MARCHF1: variants seen among roughly 807,000 people sequenced by gnomAD.
The protein encoded by MARCHF1 is E3 ubiquitin-protein ligase MARCHF1.
Under a neutral mutation model 54.2 loss-of-function variants are expected in MARCHF1, and 40 were observed. The observed-to-expected ratio is 0.74, with a 90% CI of 0.57 to 0.96. The LOEUF (loss-of-function observed/expected upper bound fraction) is 0.96, where lower values mean the gene tolerates loss of function less well. MARCHF1 is among the 40% of genes least tolerant of loss of function. The pLI is 0.00. For missense variants in MARCHF1, 586 were observed against 656.5 expected, an observed-to-expected ratio of 0.89 and a Z score of 1.17; for synonymous variants, 236 against 236.3, an observed-to-expected ratio of 1.00 and a Z score of 0.01.
chr4:163,574,252 AT>A (rs1326048204), intron 8 of MARCHF1, among the ~76,000 whole-genome samples: 1 of 151,898 alleles, frequency 6.6e-6, no homozygotes, highest in African/African-American at 2.4e-5. Flanking sequence ...ATTTTCTCCC[AT>A]TTTTGTGGGT....
intron 1 of MARCHF1, among the ~76,000 whole-genome samples, chr4:164,222,166 C>T (rs1216072763): frequency 6.6e-6 from 1 of 151,464 alleles, no homozygotes; most frequent in African/African-American, 2.4e-5. Context: ...GAAGCATAAA[C>T]TTAAACTGTT....
intron 4 of MARCHF1, among the ~76,000 whole-genome samples, chr4:163,817,029 C>A (rs1427101464): frequency 6.6e-6 from 1 of 151,982 alleles, no homozygotes; most frequent in Admixed American, 6.6e-5. Context: ...CTTTCAGATC[C>A]CAATTTTATT....
intron 1 of MARCHF1, among the ~76,000 whole-genome samples, chr4:164,163,561 TA>T (rs1270153220): frequency 2.0e-5 from 3 of 151,574 alleles, no homozygotes; most frequent in Admixed American, 2.0e-4. Flanking sequence ...ACAATTAATA[TA>T]AAAAAGACAG....
chr4:164,017,877 C>T (rs1753578452), intron 2 of MARCHF1, among the ~76,000 whole-genome samples: 1 of 144,916 alleles, frequency 6.9e-6, no homozygotes, highest in Admixed American at 6.9e-5. Flanking sequence ...AGTTGAGGAA[C>T]ATGCATTATC....
At chr4:163,723,334 A>C (rs917551020) in intron 4 of MARCHF1, among the ~76,000 whole-genome samples, 1 of 151,970 alleles carries the variant, frequency 6.6e-6, no homozygotes. Flanking sequence ...TTTTCTTTAA[A>C]AATGTTGAAT....
intron 3 of MARCHF1, among the ~76,000 whole-genome samples, chr4:163,949,469 T>C (rs1752088864): frequency 6.6e-6 from 1 of 152,166 alleles, no homozygotes; most frequent in South Asian, 2.1e-4. Context: ...TCATCCACAA[T>C]GTGGTGAGAA....
intron 4 of MARCHF1, among the ~76,000 whole-genome samples, chr4:163,775,528 T>G (rs1441053251): frequency 6.6e-6 from 1 of 152,142 alleles, no homozygotes; most frequent in African/African-American, 2.4e-5. Flanking sequence ...GAATATGCAT[T>G]GTGCGACTGG....
At chr4:163,721,550 A>C (rs921362766) in intron 4 of MARCHF1, among the ~76,000 whole-genome samples, 1 of 152,110 alleles carries the variant, frequency 6.6e-6, no homozygotes, top group African/African-American at 2.4e-5. Context: ...TCATAAAATG[A>C]GTTAGGGAGG....
intron 2 of MARCHF1, among the ~76,000 whole-genome samples, chr4:164,006,066 A>G (rs1753280158): frequency 6.6e-6 from 1 of 152,144 alleles, no homozygotes; most frequent in Non-Finnish European, 1.5e-5. Context: ...CGAGAAACAA[A>G]CAAACAAACA....
At chr4:164,043,570 G>A (rs1754177536) in intron 2 of MARCHF1, among the ~76,000 whole-genome samples, 1 of 152,122 alleles carries the variant, frequency 6.6e-6, no homozygotes, top group Non-Finnish European at 1.5e-5. Context: ...GGGAGGTGCT[G>A]CTGTAAAGGT....
chr4:163,888,921 T>C (rs965077949), intron 3 of MARCHF1, among the ~76,000 whole-genome samples: 8 of 152,172 alleles, frequency 5.3e-5, no homozygotes, highest in African/African-American at 1.9e-4. Flanking sequence ...AGGATTCAAA[T>C]ACATTCAATA....
chr4:163,860,968 T>TA (rs1447696659), intron 3 of MARCHF1, among the ~76,000 whole-genome samples: 3 of 151,804 alleles, frequency 2.0e-5, no homozygotes, highest in African/African-American at 2.4e-5. Context: ...TGAAGAGATA[T>TA]AAAAAAAGCA....
At position 164,100,148 on chromosome 4, in the gene MARCHF1, G is replaced by A. The variant is rs756418063; in HGVS notation, c.-248+11440C>T. On this transcript the variant is annotated intron_variant, in intron 2 of 9. Transcript: ENST00000514618. ...AGCATTTCCTCTTCAGAGGTGTTAAGAGCTTTATTCCAAATAATGAAACTT... is the reference window on the plus strand; with the variant it reads ...AGCATTTCCTCTTCAGAGGTGTTAAAAGCTTTATTCCAAATAATGAAACTT... Among the ~76,000 whole-genome samples, 7 of 152,166 alleles carry A rather than the reference G, an allele frequency of 4.6e-5. 1 individual carries two copies. In the South Asian group the frequency reaches 6.2e-4, roughly 14 times the overall value.
intron 3 of MARCHF1, among the ~76,000 whole-genome samples, chr4:163,979,668 T>A (rs971594667): frequency 3.3e-5 from 5 of 152,054 alleles, no homozygotes; most frequent in African/African-American, 1.2e-4. Context: ...TTTCTCCACA[T>A]CCTCTCCAGC....
chr4:163,841,808 T>G (rs1749347753), intron 4 of MARCHF1, among the ~76,000 whole-genome samples: 2 of 152,154 alleles, frequency 1.3e-5, no homozygotes, highest in African/African-American at 4.8e-5. Flanking sequence ...TATTTCATTT[T>G]TTATCTTTAA....
intron 3 of MARCHF1, among the ~76,000 whole-genome samples, chr4:163,888,524 C>A (rs1207340245): frequency 6.6e-6 from 1 of 152,132 alleles, no homozygotes; most frequent in Non-Finnish European, 1.5e-5. Flanking sequence ...ATTCCTTCTG[C>A]ACTTTTGTCT....
chr4:164,007,542 C>T lies in MARCHF1; in HGVS notation c.-247-18833G>A, dbSNP rs145403506. Among the ~76,000 whole-genome samples, 106 of 150,936 alleles carry T rather than the reference C, an allele frequency of 7.0e-4. 1 individual carries two copies. The East Asian group carries it at 0.02, about 29-fold the overall frequency. On this transcript the variant is annotated intron_variant, in intron 2 of 9. Coordinates refer to ENST00000514618, the MANE Select transcript of MARCHF1 (RefSeq NM_001394959.1). ...AAAACAATAATAGCTATAGCAACAA[C>T]TAAAGAGATAGGTAATATAAAAATA... is the stretch of plus-strand genomic sequence containing the variant.
intron 4 of MARCHF1, among the ~76,000 whole-genome samples, chr4:163,767,339 T>C (rs77179910): frequency 7.5e-6 from 1 of 133,484 alleles, no homozygotes; most frequent in Non-Finnish European, 1.7e-5. Flanking sequence ...TTGCATTGCC[T>C]TTTTTTTTTT....
intron 2 of MARCHF1, among the ~76,000 whole-genome samples, chr4:164,007,377 A>G: frequency 6.7e-6 from 1 of 149,012 alleles, no homozygotes; most frequent in Non-Finnish European, 1.5e-5. Flanking sequence ...AAAAAGAAAG[A>G]AAAAAAAAGC....
Sources: allele counts gnomAD v4.1 joint callset (sites outside exome capture counted in the v4.1 genomes callset), GRCh38; gene constraint gnomAD v4.1.1; transcripts MANE v1.5; gene names NCBI Gene and HGNC (gene_info 2026-07-23, HGNC 2026-07-21).